TMTC1: variants seen among roughly 807,000 people sequenced by gnomAD.
TMTC1 encodes the protein transmembrane O-mannosyltransferase targeting cadherins 1, also known as protein O-mannosyl-transferase TMTC1.
TMTC1 carries 73 observed loss-of-function variants against 104.8 expected under a neutral mutation model. The observed-to-expected ratio is 0.70, with a 90% CI of 0.58 to 0.85. The LOEUF (loss-of-function observed/expected upper bound fraction) is 0.85. TMTC1 is among the 40% of genes least tolerant of loss of function. The pLI, the probability that TMTC1 is intolerant of heterozygous loss-of-function variation, is 0.00. For synonymous variants in TMTC1, 434 were observed against 428.7 expected, an observed-to-expected ratio of 1.01 and a Z score of -0.15; for missense variants, 1,035 against 1,096.1, an observed-to-expected ratio of 0.94 and a Z score of 0.79.
At position 29,677,029 on chromosome 12, in the gene TMTC1, T is replaced by C. The variant is rs116764075; in HGVS notation, c.939-43693A>G. Reference sequence around the variant, plus strand: ...TCCAAGTCTGGTCCTTCTGTGGAAATGAAAGTACTGACAGGCACACAGATA... The same window carrying C: ...TCCAAGTCTGGTCCTTCTGTGGAAACGAAAGTACTGACAGGCACACAGATA... On this transcript the variant is annotated intron_variant, in intron 5 of 17. Coordinates refer to ENST00000539277, the MANE Select transcript of TMTC1 (RefSeq NM_001193451.2). Among the ~76,000 whole-genome samples the C allele has an allele frequency of 3.6e-3, 554 of 152,290 alleles. 5 individuals carry two copies. The highest frequency in any genetic ancestry group is 0.013 in the African/African-American group (538 of 41,556).
intron 4 of TMTC1, among the ~76,000 whole-genome samples, chr12:29,752,790 T>C (rs1412571578): frequency 1.3e-5 from 2 of 152,302 alleles, no homozygotes; most frequent in Non-Finnish European, 2.9e-5. Flanking sequence ...ACTTTTGCTA[T>C]TCACTAGCAT....
At position 29,506,871 on chromosome 12, in the gene TMTC1, T is replaced by C. The variant is rs1279320610; in HGVS notation, c.2624A>G (p.Glu875Gly). 1 of 1,614,132 alleles carries C rather than the reference T, an allele frequency of 6.2e-7. No individual in the cohort carries two copies. Among genetic ancestry groups the C allele is most frequent in the South Asian group, 1.1e-5 (1 of 91,086 alleles). ...KLDRLEKRLQ[E>G]VREKDQT Reference sequence around the variant, plus strand: ...CTATGTTTGATCCTTTTCTCGAACTTCTTGTAATCGTTTTTCTAGGCGATC... The same window carrying C: ...CTATGTTTGATCCTTTTCTCGAACTCCTTGTAATCGTTTTTCTAGGCGATC... Residue 875 changes from glutamate (E) to glycine (G), a missense_variant, in exon 18 of 18, where the codon GAA becomes GGA. Transcript: ENST00000539277.
chr12:29,726,946 A>T (rs1390036418), intron 5 of TMTC1, among the ~76,000 whole-genome samples: 1 of 152,254 alleles, frequency 6.6e-6, no homozygotes, highest in Non-Finnish European at 1.5e-5. Context: ...AAAACAGGAC[A>T]GCTAACAACC....
chr12:29,760,718 A>G (rs1943324060), intron 2 of TMTC1, among the ~76,000 whole-genome samples: 1 of 151,740 alleles, frequency 6.6e-6, no homozygotes, highest in Non-Finnish European at 1.5e-5. Context: ...ATAAATGAAT[A>G]TATATTACGC....
intron 2 of TMTC1, among the ~76,000 whole-genome samples, chr12:29,760,560 G>A (rs945666411): frequency 6.6e-6 from 1 of 152,206 alleles, no homozygotes; most frequent in South Asian, 2.1e-4. Context: ...ATTGCACTAC[G>A]TCTTAACTGT....
At chr12:29,527,812 CTCTTT>C (rs1188551776) in intron 11 of TMTC1, among the ~76,000 whole-genome samples, 2 of 152,150 alleles carry the variant, frequency 1.3e-5, no homozygotes, top group South Asian at 2.1e-4. Context: ...TCTAAATCTT[CTCTTT>C]TATTTTTGCA....
intron 11 of TMTC1, among the ~76,000 whole-genome samples, chr12:29,528,692 T>C (rs1284055909): frequency 1.3e-5 from 2 of 152,172 alleles, no homozygotes; most frequent in Non-Finnish European, 2.9e-5. Context: ...CAAATGGACA[T>C]TGGCTTAATG....
intron 5 of TMTC1, among the ~76,000 whole-genome samples, chr12:29,643,505 ATT>A (rs888806457): frequency 1.7e-5 from 1 of 57,570 alleles, no homozygotes. Context: ...TATATTATAT[ATT>A]TTATATATAA....
chr12:29,576,958 T>C (rs76906048), intron 8 of TMTC1, among the ~76,000 whole-genome samples: 2,472 of 152,280 alleles, frequency 0.016, 71 homozygotes, highest in African/African-American at 0.057. Flanking sequence ...AGAGGGTTGC[T>C]TCCTTTTTCT....
chr12:29,573,536 A>G (rs1289695357), intron 8 of TMTC1, among the ~76,000 whole-genome samples: 1 of 152,200 alleles, frequency 6.6e-6, no homozygotes, highest in Non-Finnish European at 1.5e-5. Flanking sequence ...TTACAAGATG[A>G]CATGTAACAA....
intron 9 of TMTC1, among the ~76,000 whole-genome samples, chr12:29,561,461 C>T (rs1202760057): frequency 1.3e-5 from 2 of 152,138 alleles, no homozygotes; most frequent in East Asian, 3.9e-4. Flanking sequence ...AAAAATTTGT[C>T]TTCTGTCATA....
intron 3 of TMTC1, 137 bp from the exon 4 acceptor site, chr12:29,756,022 A>G: frequency 1.1e-6 from 1 of 881,878 alleles, no homozygotes; most frequent in Non-Finnish European, 1.7e-6. Flanking sequence ...GATTTCTTAA[A>G]GAGCCTTCAT....
intron 10 of TMTC1, among the ~76,000 whole-genome samples, chr12:29,551,103 G>A (rs964606134): frequency 2.6e-5 from 4 of 152,140 alleles, no homozygotes; most frequent in African/African-American, 9.7e-5. Context: ...GGTGCAGAGT[G>A]GGGGATAGAA....
chr12:29,552,945 A>G (rs574917096), intron 10 of TMTC1, among the ~76,000 whole-genome samples: 7 of 152,308 alleles, frequency 4.6e-5, no homozygotes, highest in Non-Finnish European at 7.3e-5. Context: ...ATGGCTCAGA[A>G]ATGTATTAAG....
intron 5 of TMTC1, among the ~76,000 whole-genome samples, chr12:29,655,185 G>C (rs1304203489): frequency 6.6e-6 from 1 of 152,006 alleles, no homozygotes; most frequent in Non-Finnish European, 1.5e-5. Flanking sequence ...CTGGCCATAT[G>C]ATTCCATTTC....
chr12:29,718,479 C>G lies in TMTC1; in HGVS notation c.938+33187G>C, dbSNP rs543491886. 2.0e-5 allele frequency among the ~76,000 whole-genome samples: 3 copies of G among 152,308 alleles called. No homozygotes were observed. In the South Asian group the frequency reaches 6.2e-4, roughly 32 times the overall value. On this transcript the variant is annotated intron_variant, in intron 5 of 17. Coordinates refer to ENST00000539277, the MANE Select transcript of TMTC1 (RefSeq NM_001193451.2). ...CTCTGCTCAAATATCTGGCCGACTT[C>G]TGGCCTACATGTGTGAAGCAGAACT...
chr12:29,586,024 T>C (rs1209275524), intron 7 of TMTC1, among the ~76,000 whole-genome samples: 2 of 152,170 alleles, frequency 1.3e-5, no homozygotes, highest in East Asian at 3.9e-4. Flanking sequence ...ATAAATTACC[T>C]TGGGCAGTAT....
At chr12:29,581,184 G>A (rs931510842) in intron 8 of TMTC1, among the ~76,000 whole-genome samples, 1 of 152,160 alleles carries the variant, frequency 6.6e-6, no homozygotes, top group Non-Finnish European at 1.5e-5. Context: ...ACCTTAATGT[G>A]CCTCATAGAT....
At chr12:29,720,445 A>C (rs910668825) in intron 5 of TMTC1, among the ~76,000 whole-genome samples, 3 of 152,220 alleles carry the variant, frequency 2.0e-5, no homozygotes, top group Admixed American at 1.3e-4. Context: ...CATAAGAAGG[A>C]AAGTAATATA....
Sources: gnomAD v4.1 joint callset for allele counts (sites outside exome capture counted in the v4.1 genomes callset) on GRCh38, gnomAD v4.1.1 for gene constraint, MANE v1.5 for transcripts, NCBI Gene and HGNC (gene_info 2026-07-23, HGNC 2026-07-21) for gene names.